The following XIAP variants were observed in gnomAD, a reference collection of about 807,000 sequenced individuals.
XIAP encodes the protein E3 ubiquitin-protein ligase XIAP.
Under a neutral mutation model 33.1 loss-of-function variants are expected in XIAP, and 3 were observed. The ratio of observed to expected loss-of-function variants is 0.09; its 90% CI spans 0.04 to 0.23. The LOEUF (loss-of-function observed/expected upper bound fraction) is 0.23, where lower values mean the gene tolerates loss of function less well. Among genes scored for constraint, XIAP ranks in the 10% least tolerant of loss-of-function variants. The pLI, the probability that XIAP is intolerant of heterozygous loss-of-function variation, is 1.00. For missense variants in XIAP, 264 were observed against 363.0 expected (o/e 0.73, Z 2.22); for synonymous variants, 98 against 121.3 (o/e 0.81, Z 1.26).
At chrX:123,904,049 T>C (rs2053538690) in intron 6 of XIAP, among the ~76,000 whole-genome samples, 2 of 112,063 alleles carry the variant, frequency 1.8e-5, no homozygotes, top group Non-Finnish European at 3.8e-5. Flanking sequence ...TTTTTGTCTC[T>C]ATAAATTTGA....
intron 1 of XIAP, among the ~76,000 whole-genome samples, chrX:123,880,109 G>T (rs751059897): frequency 1.0e-5 from 1 of 97,601 alleles, no homozygotes; most frequent in African/African-American, 3.8e-5. Context: ...GCAAGACTCC[G>T]TCTCAAAAAA....
At chrX:123,866,149 C>T (rs2053133152) in intron 1 of XIAP, among the ~76,000 whole-genome samples, 1 of 110,264 alleles carries the variant, frequency 9.1e-6, no homozygotes, top group Admixed American at 9.9e-5. Flanking sequence ...CCATGTTAAC[C>T]AGGTTGGCCT....
intron 3 of XIAP, among the ~76,000 whole-genome samples, chrX:123,889,570 T>A (rs933031710): frequency 1.6e-4 from 17 of 107,940 alleles, no homozygotes; most frequent in Non-Finnish European, 1.1e-4. Flanking sequence ...CATGCTGGAG[T>A]GCAATGGTGC....
At chrX:123,904,919 C>T (rs969619438) in intron 6 of XIAP, among the ~76,000 whole-genome samples, 3 of 112,007 alleles carry the variant, frequency 2.7e-5, no homozygotes, top group African/African-American at 9.7e-5. Context: ...GCGTGAGCCA[C>T]CAGGCCTGGC....
chrX:123,878,472 A>G (rs1286047125), intron 1 of XIAP: 1 of 111,937 alleles, frequency 8.9e-6, no homozygotes. Context: ...TCAAACTTGT[A>G]ATATTATTGT....
At chrX:123,867,361 CT>C (rs752438708) in intron 1 of XIAP, among the ~76,000 whole-genome samples, 284 of 85,848 alleles carry the variant, frequency 3.3e-3, no homozygotes, top group Non-Finnish European at 2.9e-3. Flanking sequence ...GCCCAGCAGT[CT>C]TTTTTTTTTT....
rs1312966311 is a variant in XIAP at position 123,908,851 on chromosome X, C to T, written c.*1670C>T. On this transcript the variant is annotated 3_prime_UTR_variant, in exon 7 of 7. Transcript: ENST00000371199. The stretch of plus-strand genomic sequence containing the variant: ...GGTTTACATTACAAGATTCTCACAA[C>T]AAACCTATTGTAGAGGTGAGTAAGG... The T allele has an allele frequency of 2.9e-6, 1 of 349,703 alleles. No individual in the cohort carries two copies. The highest frequency in any genetic ancestry group is 2.6e-5 in the South Asian group (1 of 38,261). The allele number at this position is 349,703 out of a possible 1,213,427, so 28.8% of individuals were successfully genotyped here.
chrX:123,860,388 C>G lies in XIAP; in HGVS notation c.-33+95C>G, dbSNP rs182150836. ...CTTTTCCCCTCCACTTCCCTCGGGC[C>G]GGCGCTGCTGGGGAGGGCGGGAAGG... On this transcript the variant is annotated intron_variant, in intron 1 of 6. Transcript: ENST00000371199. 1,895 of 306,052 alleles carry G rather than the reference C, an allele frequency of 6.2e-3. 26 individuals are homozygous for G. Among genetic ancestry groups the G allele is most frequent in the African/African-American group, 0.047 (1,741 of 37,089 alleles). 25.2% of individuals were successfully genotyped at this position (306,052 alleles called of 1,213,427 possible). A position where few individuals can be genotyped will look rare whatever the true frequency, so the allele number is the denominator to read the frequency against.
chrX:123,903,619 GTT>G lies in XIAP; in HGVS notation c.1300+2936_1300+2937del, dbSNP rs1163905528. Among the ~76,000 whole-genome samples, 3 of 55,305 alleles carry G rather than the reference GTT, an allele frequency of 5.4e-5. No homozygotes were observed. In the Admixed American group the frequency reaches 6.1e-4, roughly 11 times the overall value. 48.0% of individuals were successfully genotyped at this position (55,305 alleles called of 115,157 possible). The stretch of plus-strand genomic sequence containing the variant: ...GTCCAGTGTTTTGGGGTTTGTTTCA[GTT>G]TTTTTTTTTGTTTTGTTTTTTGTTT... On this transcript the variant is annotated intron_variant, in intron 6 of 6. Coordinates refer to ENST00000371199, the MANE Select transcript of XIAP (RefSeq NM_001167.4).
intron 1 of XIAP, among the ~76,000 whole-genome samples, chrX:123,867,857 G>A (rs2053158103): frequency 9.1e-6 from 1 of 109,426 alleles, no homozygotes; most frequent in African/African-American, 3.3e-5. Flanking sequence ...TCTATTTTTA[G>A]TAGAGATAGT....
intron 3 of XIAP, among the ~76,000 whole-genome samples, chrX:123,890,308 G>T (rs1485460806): frequency 9.5e-6 from 1 of 105,295 alleles, no homozygotes; most frequent in Non-Finnish European, 2.0e-5. Context: ...GAGCCACCGC[G>T]CCCGGCCCAG....
chrX:123,890,020 T>G (rs1190380634), intron 3 of XIAP, among the ~76,000 whole-genome samples: 56 of 68,964 alleles, frequency 8.1e-4, no homozygotes, highest in African/African-American at 3.0e-3. Context: ...TTTTTTTTTT[T>G]TTTTTTTTTT....
In XIAP at chrX:123,910,696, C is replaced by T. The variant is rs1055107350; in HGVS notation, c.*3515C>T. 67 of 294,454 alleles carry T rather than the reference C, an allele frequency of 2.3e-4. No individual in the cohort carries two copies. Among genetic ancestry groups the T allele is most frequent in the African/African-American group, 6.4e-4 (23 of 35,739 alleles). The allele number at this position is 294,454 out of a possible 1,213,427, so 24.3% of individuals were successfully genotyped here. A position where few individuals can be genotyped will look rare whatever the true frequency, so the allele number is the denominator to read the frequency against. On this transcript the variant is annotated 3_prime_UTR_variant, in exon 7 of 7. Coordinates refer to ENST00000371199, the MANE Select transcript of XIAP (RefSeq NM_001167.4). Reference sequence around the variant, plus strand: ...CATCCTGGCTAACACGGTGAAACCCCGTCTCTACTAAAAAACAGAAAATTA... The same window carrying T: ...CATCCTGGCTAACACGGTGAAACCCTGTCTCTACTAAAAAACAGAAAATTA...
chrX:123,909,653 G>T lies in XIAP; in HGVS notation c.*2472G>T, dbSNP rs774933620. ...TAAGGCTTTTCCTGTTCTGGGAGCC[G>T]CACTTCATTAAAATTCTTCTAAAAC... On this transcript the variant is annotated 3_prime_UTR_variant, in exon 7 of 7. Coordinates refer to ENST00000371199, the MANE Select transcript of XIAP (RefSeq NM_001167.4). The T allele has an allele frequency of 6.1e-6, 2 of 327,623 alleles. No homozygotes were observed. The highest frequency in any genetic ancestry group is 5.3e-5 in the African/African-American group (2 of 37,509). The allele number at this position is 327,623 out of a possible 1,213,427, so 27.0% of individuals were successfully genotyped here.
intron 6 of XIAP, among the ~76,000 whole-genome samples, chrX:123,906,351 C>T (rs2148111769): frequency 8.9e-6 from 1 of 111,762 alleles, no homozygotes; most frequent in Non-Finnish European, 1.9e-5. Flanking sequence ...CTGAAAACAC[C>T]TCAAAAATAT....
chrX:123,899,144 A>AAAAAAAAAAAAT lies in XIAP; in HGVS notation c.1100-1348_1100-1347insAAAAAAAAAATA, dbSNP rs1186271285. ...CAAAAAAAAAAAAAAAAAAAAAAAAAATATATATATATATATATATATGAT... is the reference window on the plus strand; with the variant it reads ...CAAAAAAAAAAAAAAAAAAAAAAAAAAAAAAAAAAAATATATATATATATATATATATATGAT... On this transcript the variant is annotated intron_variant, in intron 5 of 6. Transcript: ENST00000371199. Among the ~76,000 whole-genome samples the AAAAAAAAAAAAT allele has an allele frequency of 2.8e-4, 14 of 50,165 alleles. 2 individuals are homozygous for AAAAAAAAAAAAT. Among genetic ancestry groups the AAAAAAAAAAAAT allele is most frequent in the Non-Finnish European group, 4.2e-4 (12 of 28,382 alleles). The allele number at this position is 50,165 out of a possible 115,157, so 43.6% of individuals were successfully genotyped here.
At chrX:123,889,643 G>C (rs1569478277) in intron 3 of XIAP, among the ~76,000 whole-genome samples, 1 of 108,867 alleles carries the variant, frequency 9.2e-6, no homozygotes, top group African/African-American at 3.4e-5. Context: ...TCAGCCTCCT[G>C]AGTAGCTGGG....
In XIAP at chrX:123,911,359, C is replaced by G. The variant is rs1276110506; in HGVS notation, c.*4178C>G. 6 of 282,389 alleles carry G rather than the reference C, an allele frequency of 2.1e-5. No homozygotes were observed. The Admixed American group carries it at 2.5e-4, about 12-fold the overall frequency. The allele number at this position is 282,389 out of a possible 1,213,427, so 23.3% of individuals were successfully genotyped here. A position where few individuals can be genotyped will look rare whatever the true frequency, so the allele number is the denominator to read the frequency against. On this transcript the variant is annotated 3_prime_UTR_variant, in exon 7 of 7. Coordinates refer to ENST00000371199, the MANE Select transcript of XIAP (RefSeq NM_001167.4). ...GGGCGTGGTGGCTCATGCCTGTAAT[C>G]CCAGCTACTTGGGAGGCTGAGGCAG...
In XIAP at chrX:123,913,181, G is replaced by A. The variant is rs1236539821; in HGVS notation, c.*6000G>A. The A allele has an allele frequency of 9.1e-6, 3 of 328,436 alleles. No homozygotes were observed. The highest frequency in any genetic ancestry group is 1.8e-5 in the Non-Finnish European group (3 of 169,760). 27.1% of individuals were successfully genotyped at this position (328,436 alleles called of 1,213,427 possible). ...AAGGGACAATTGTATCTTCAAAGTAGACAAATGGCGCCGGGCACGGTGGCT... is the reference window on the plus strand; with the variant it reads ...AAGGGACAATTGTATCTTCAAAGTAAACAAATGGCGCCGGGCACGGTGGCT... On this transcript the variant is annotated 3_prime_UTR_variant, in exon 7 of 7. Transcript: ENST00000371199.
Sources: gnomAD v4.1 joint callset for allele counts (sites outside exome capture counted in the v4.1 genomes callset) on GRCh38, gnomAD v4.1.1 for gene constraint, MANE v1.5 for transcripts, NCBI Gene and HGNC (gene_info 2026-07-23, HGNC 2026-07-21) for gene names.